JAZF1: variants seen among roughly 807,000 people sequenced by gnomAD.
The protein encoded by JAZF1 is juxtaposed with another zinc finger protein 1.
JAZF1 carries 8 observed loss-of-function variants against 26.4 expected under a neutral mutation model. The observed-to-expected ratio is 0.30, with a 90% CI of 0.18 to 0.55. The LOEUF (loss-of-function observed/expected upper bound fraction) is 0.55. Ranked by LOEUF, JAZF1 falls within the 20% of genes least tolerant of loss-of-function variation. JAZF1 has a pLI of 0.94. For synonymous variants in JAZF1, 126 were observed against 122.3 expected (o/e 1.03, Z -0.20); for missense variants, 199 against 322.0 (o/e 0.62, Z 2.92).
chr7:28,009,663 T>G (rs1401690099), intron 1 of JAZF1, among the ~76,000 whole-genome samples: 1 of 152,156 alleles, frequency 6.6e-6, no homozygotes, highest in Non-Finnish European at 1.5e-5. Context: ...TTTTGTATTT[T>G]TAGTAGAGAC....
chr7:27,963,466 C>G (rs1785217401), intron 2 of JAZF1, among the ~76,000 whole-genome samples: 1 of 152,036 alleles, frequency 6.6e-6, no homozygotes, highest in South Asian at 2.1e-4. Context: ...TTGGGGGTAG[C>G]TGTCAATCCT....
chr7:28,069,444 T>TA (rs1279047655), intron 1 of JAZF1, among the ~76,000 whole-genome samples: 2 of 152,186 alleles, frequency 1.3e-5, no homozygotes, highest in Non-Finnish European at 1.5e-5. Flanking sequence ...AAGATAGTCT[T>TA]AAGGACAACT....
rs961779363 is a variant in JAZF1, at chr7:27,921,544, T to G, written c.189-26128A>C. 3.3e-5 allele frequency among the ~76,000 whole-genome samples: 5 copies of G among 152,338 alleles called. No individual in the cohort carries two copies. The East Asian group carries it at 9.6e-4, about 29-fold the overall frequency. ...GTCATAAGGGCAGACTGGCATCGAT[T>G]CTTCCAGAAGACTCACTGAAAAAGA... On this transcript the variant is annotated intron_variant, in intron 2 of 4. Transcript: ENST00000283928.
At chr7:28,179,624 C>A (rs1783603371) in intron 1 of JAZF1, among the ~76,000 whole-genome samples, 1 of 150,566 alleles carries the variant, frequency 6.6e-6, no homozygotes, top group African/African-American at 2.4e-5. Context: ...CCCCGGGGCG[C>A]TGGGCGCGGC....
chr7:27,856,555 T>C lies in JAZF1; in HGVS notation c.386-15688A>G, dbSNP rs373360953. On this transcript the variant is annotated intron_variant, in intron 3 of 4. Coordinates refer to ENST00000283928, the MANE Select transcript of JAZF1 (RefSeq NM_175061.4). The stretch of plus-strand genomic sequence containing the variant: ...CCATTTTACAGAGAGCTGATTGGTC[T>C]GTTTTACAGAGAGCTGATTGGTCCA... Among the ~76,000 whole-genome samples, 129 of 152,308 alleles carry C rather than the reference T, an allele frequency of 8.5e-4. 1 individual carries two copies. The highest frequency in any genetic ancestry group is 2.6e-3 in the African/African-American group (110 of 41,568).
chr7:27,965,699 TAGTCTAAAGATTAATGAAAAATGAAAG>T (rs779363990), intron 2 of JAZF1, among the ~76,000 whole-genome samples: 12 of 152,180 alleles, frequency 7.9e-5, no homozygotes, highest in Non-Finnish European at 8.8e-5. Flanking sequence ...TAGATTTCGG[TAGTCTAAAGATTAATGAAAAATGAAAG>T]AGAAAAACAA....
chr7:28,032,673 A>G (rs955857422), intron 1 of JAZF1, among the ~76,000 whole-genome samples: 2 of 152,166 alleles, frequency 1.3e-5, no homozygotes, highest in Admixed American at 1.3e-4. Flanking sequence ...CTATCCCTGA[A>G]GCAACCTAAC....
At chr7:27,865,079 T>C (rs1424462747) in intron 3 of JAZF1, among the ~76,000 whole-genome samples, 2 of 152,056 alleles carry the variant, frequency 1.3e-5, no homozygotes, top group Non-Finnish European at 2.9e-5. Flanking sequence ...GTATAAGGTG[T>C]GTTCATGGGC....
chr7:27,880,577 G>A (rs1193359095), intron 3 of JAZF1, among the ~76,000 whole-genome samples: 1 of 152,032 alleles, frequency 6.6e-6, no homozygotes, highest in African/African-American at 2.4e-5. Context: ...AGGTTGCAGT[G>A]AGCCGAGATC....
At position 28,029,419 on chromosome 7, in the gene JAZF1, C is replaced by T. The variant is rs181982024; in HGVS notation, c.116-37438G>A. Reference sequence around the variant, plus strand: ...AGGAATTGCTAACAGATGAAAAGAACGTCCTCTAAAAATCCCCTCTCAAAT... The same window carrying T: ...AGGAATTGCTAACAGATGAAAAGAATGTCCTCTAAAAATCCCCTCTCAAAT... On this transcript the variant is annotated intron_variant, in intron 1 of 4. Transcript: ENST00000283928. Among the ~76,000 whole-genome samples the T allele has an allele frequency of 7.2e-4, 110 of 152,242 alleles. No individual in the cohort carries two copies. In the Middle Eastern group the frequency reaches 0.014, roughly 19 times the overall value.
chr7:28,169,205 C>T (rs536968695), intron 1 of JAZF1, among the ~76,000 whole-genome samples: 17 of 152,284 alleles, frequency 1.1e-4, no homozygotes, highest in Admixed American at 7.8e-4. Flanking sequence ...TAACGTTATA[C>T]GTTAATCTCT....
At chr7:27,957,563 AC>A (rs1785119546) in intron 2 of JAZF1, among the ~76,000 whole-genome samples, 2 of 152,304 alleles carry the variant, frequency 1.3e-5, no homozygotes, top group Middle Eastern at 3.4e-3. Context: ...CACTTTGGTT[AC>A]CCTGGACTAC....
intron 2 of JAZF1, among the ~76,000 whole-genome samples, chr7:27,983,627 C>T: frequency 6.6e-6 from 1 of 152,114 alleles, no homozygotes; most frequent in East Asian, 1.9e-4. Flanking sequence ...TCGAGAAAAG[C>T]AACTCCAAGA....
chr7:28,024,103 T>A (rs1368500264), intron 1 of JAZF1, among the ~76,000 whole-genome samples: 1 of 151,046 alleles, frequency 6.6e-6, no homozygotes, highest in Non-Finnish European at 1.5e-5. Flanking sequence ...CTGGGCAGCA[T>A]AGCAAGACCC....
intron 2 of JAZF1, among the ~76,000 whole-genome samples, chr7:27,986,700 T>A (rs1218629843): frequency 7.1e-6 from 1 of 140,548 alleles, no homozygotes; most frequent in Non-Finnish European, 1.5e-5. Flanking sequence ...CTCCCTCTGA[T>A]GCCGAGCTGA....
At chr7:27,913,207 T>A (rs1344209695) in intron 2 of JAZF1, among the ~76,000 whole-genome samples, 5 of 150,628 alleles carry the variant, frequency 3.3e-5, no homozygotes, top group Admixed American at 2.0e-4. Flanking sequence ...TAAAAAAAAA[T>A]TTATATACAT....
intron 1 of JAZF1, among the ~76,000 whole-genome samples, chr7:28,109,980 TACATTACAA>T (rs1221603149): frequency 6.6e-6 from 1 of 152,214 alleles, no homozygotes; most frequent in Non-Finnish European, 1.5e-5. Context: ...CTGCAAAGGT[TACATTACAA>T]ACTACACTAG....
chr7:28,052,877 C>A (rs1480351555), intron 1 of JAZF1, among the ~76,000 whole-genome samples: 2 of 151,786 alleles, frequency 1.3e-5, no homozygotes, highest in Admixed American at 1.3e-4. Flanking sequence ...ATCTTAACCA[C>A]TTTTAAGTAT....
intron 1 of JAZF1, among the ~76,000 whole-genome samples, chr7:28,069,099 A>G (rs1783929574): frequency 1.3e-5 from 2 of 152,318 alleles, no homozygotes; most frequent in South Asian, 4.1e-4. Flanking sequence ...ACATCATCCA[A>G]TCTGCCTACT....
Sources: gnomAD v4.1 joint callset for allele counts (sites outside exome capture counted in the v4.1 genomes callset) on GRCh38, gnomAD v4.1.1 for gene constraint, MANE v1.5 for transcripts, NCBI Gene and HGNC (gene_info 2026-07-23, HGNC 2026-07-21) for gene names.